The following CSTF3 variants were observed in gnomAD, a reference collection of about 807,000 sequenced individuals.
The protein encoded by CSTF3 is cleavage stimulation factor subunit 3.
Under a neutral mutation model 105.8 loss-of-function variants are expected in CSTF3, and 29 were observed. The observed-to-expected ratio is 0.27, with a 90% CI of 0.20 to 0.37. CSTF3 has a LOEUF of 0.37. Ranked by LOEUF, CSTF3 falls within the 10% of genes least tolerant of loss-of-function variation. CSTF3 has a pLI of 1.00. For synonymous variants in CSTF3, 252 were observed against 281.9 expected, an observed-to-expected ratio of 0.89 and a Z score of 1.06; for missense variants, 357 against 879.3, an observed-to-expected ratio of 0.41 and a Z score of 7.51.
At chr11:33,107,598 C>G (rs1389780215) in intron 5 of CSTF3, among the ~76,000 whole-genome samples, 2 of 151,182 alleles carry the variant, frequency 1.3e-5, no homozygotes, top group African/African-American at 4.8e-5. Flanking sequence ...AAAAGTGGTA[C>G]TAGCACAAGT....
At chr11:33,126,567 AAC>A (rs1054209015) in intron 3 of CSTF3, among the ~76,000 whole-genome samples, 5 of 152,224 alleles carry the variant, frequency 3.3e-5, no homozygotes, top group African/African-American at 1.2e-4. Flanking sequence ...AATTCAAAAG[AAC>A]AGTTTCTTTT....
At chr11:33,094,665 TAA>T (rs1447861808) in intron 15 of CSTF3, among the ~76,000 whole-genome samples, 1 of 152,172 alleles carries the variant, frequency 6.6e-6, no homozygotes, top group Non-Finnish European at 1.5e-5. Context: ...TTTTTGGAGT[TAA>T]GTCTTTTTCC....
intron 3 of CSTF3, among the ~76,000 whole-genome samples, chr11:33,131,738 G>C (rs1444694861): frequency 6.6e-6 from 1 of 151,998 alleles, no homozygotes; most frequent in African/African-American, 2.4e-5. Flanking sequence ...TGTAGTCCCA[G>C]CTACTCGGGA....
In CSTF3 at chr11:33,087,098, A is replaced by G. The variant is rs754720144; in HGVS notation, c.1685T>C (p.Val562Ala). The G allele has an allele frequency of 6.8e-6, 11 of 1,614,038 alleles. No individual in the cohort carries two copies. The East Asian group carries it at 2.0e-4, about 29-fold the overall frequency. Residue 562 changes from valine (V) to alanine (A), a missense_variant, in exon 18 of 21, where the codon GTT becomes GCT. Coordinates refer to ENST00000323959, the MANE Select transcript of CSTF3 (RefSeq NM_001326.3). ...AACAGGCACTATAGAAGGAGCTACA[A>G]CTGGGTCCGGAATTATAGCTGCTAG... Reference protein sequence around the residue: ...AKLAAIIPDPVVAPSIVPVLK... With the variant: ...AKLAAIIPDPAVAPSIVPVLK...
intron 1 of CSTF3, among the ~76,000 whole-genome samples, chr11:33,158,025 T>C (rs1475352402): frequency 6.6e-6 from 1 of 152,182 alleles, no homozygotes; most frequent in Admixed American, 6.5e-5. Context: ...TATTTAATGG[T>C]TATTTTAGTT....
intron 5 of CSTF3, among the ~76,000 whole-genome samples, chr11:33,106,311 A>G (rs1299038381): frequency 6.6e-6 from 1 of 152,032 alleles, no homozygotes; most frequent in Admixed American, 6.6e-5. Flanking sequence ...AGCTACTCGG[A>G]AGGCTGAGGT....
At chr11:33,088,289 CTTTT>C (rs951194279) in intron 17 of CSTF3, among the ~76,000 whole-genome samples, 2 of 141,004 alleles carry the variant, frequency 1.4e-5, no homozygotes, top group African/African-American at 2.6e-5. Context: ...TACTTACTCT[CTTTT>C]TTTTTTTTTT....
chr11:33,104,899 T>C (rs1436156342), intron 8 of CSTF3, among the ~76,000 whole-genome samples: 2 of 152,184 alleles, frequency 1.3e-5, no homozygotes, highest in African/African-American at 4.8e-5. Context: ...CAAATCACAA[T>C]ATACATACGA....
chr11:33,109,435 C>T (rs1399084859), intron 3 of CSTF3, among the ~76,000 whole-genome samples: 1 of 152,130 alleles, frequency 6.6e-6, no homozygotes, highest in Non-Finnish European at 1.5e-5. Flanking sequence ...CTCTTCTGGA[C>T]TTTTTTATCT....
At chr11:33,142,868 C>T (rs1271532673) in intron 1 of CSTF3, among the ~76,000 whole-genome samples, 1 of 152,048 alleles carries the variant, frequency 6.6e-6, no homozygotes, top group East Asian at 1.9e-4. Flanking sequence ...AATCTGCTGC[C>T]CTATCAGATC....
intron 3 of CSTF3, among the ~76,000 whole-genome samples, chr11:33,114,930 G>C (rs1043293430): frequency 6.6e-6 from 1 of 152,110 alleles, no homozygotes; most frequent in African/African-American, 2.4e-5. Context: ...AAAGGAAAAA[G>C]TAAGTCTCTA....
intron 9 of CSTF3, 31 bp downstream of exon 9, chr11:33,103,076 A>G (rs1855295014): frequency 1.5e-6 from 2 of 1,367,536 alleles, no homozygotes; most frequent in Non-Finnish European, 2.0e-6. Flanking sequence ...ACTCATAATA[A>G]TCATTAAAAT....
chr11:33,161,244 A>T, intron 1 of CSTF3, 55 bp downstream of exon 1: 2 of 1,603,316 alleles, frequency 1.2e-6, no homozygotes, highest in Non-Finnish European at 1.7e-6. Flanking sequence ...GAGCAGTCGG[A>T]GGAACAGACG....
At chr11:33,123,405 A>G (rs1414144927) in intron 3 of CSTF3, among the ~76,000 whole-genome samples, 1 of 152,178 alleles carries the variant, frequency 6.6e-6, no homozygotes, top group Non-Finnish European at 1.5e-5. Context: ...TTACAGGATT[A>G]TCAATGGGAT....
At chr11:33,093,897 G>A (rs1427740488) in intron 15 of CSTF3, among the ~76,000 whole-genome samples, 5 of 151,986 alleles carry the variant, frequency 3.3e-5, no homozygotes, top group East Asian at 1.9e-4. Flanking sequence ...TAGTAGAGAC[G>A]GGGTTTCACC....
Position 33,099,467 on chromosome 11 carries a change from G to A in CSTF3, c.936+141C>T. 1 of 653,684 alleles carries A rather than the reference G, an allele frequency of 1.5e-6. No individual in the cohort carries two copies. The highest frequency in any genetic ancestry group is 2.6e-6 in the Non-Finnish European group (1 of 384,726). 40.5% of individuals were successfully genotyped at this position (653,684 alleles called of 1,614,324 possible). A position where few individuals can be genotyped will look rare whatever the true frequency, so the allele number is the denominator to read the frequency against. ...TCTAAGGAGGTCTAATTATATGAGT[G>A]TCACTAAGATTCATATGAACGTAAA... On this transcript the variant is annotated intron_variant, in intron 11 of 20. Coordinates refer to ENST00000323959, the MANE Select transcript of CSTF3 (RefSeq NM_001326.3). The surrounding 1 kb of genome is among the most constrained non-coding windows in gnomAD (Gnocchi z 4.1).
At chr11:33,139,580 C>T (rs1434941164) in intron 3 of CSTF3, among the ~76,000 whole-genome samples, 1 of 151,702 alleles carries the variant, frequency 6.6e-6, no homozygotes, top group Non-Finnish European at 1.5e-5. Context: ...AAAAAATAAA[C>T]AGCAAACCAG....
At chr11:33,100,673 C>T (rs953935652) in intron 10 of CSTF3, among the ~76,000 whole-genome samples, 8 of 152,196 alleles carry the variant, frequency 5.3e-5, no homozygotes, top group African/African-American at 9.7e-5. Flanking sequence ...TGAAAACTTA[C>T]AGCAGCAGGA....
chr11:33,142,400 G>A (rs1855723936), intron 1 of CSTF3, among the ~76,000 whole-genome samples: 1 of 152,110 alleles, frequency 6.6e-6, no homozygotes. Flanking sequence ...TTTTATATAA[G>A]AGACACGAGC....
Sources: allele counts gnomAD v4.1 joint callset (sites outside exome capture counted in the v4.1 genomes callset), GRCh38; gene constraint gnomAD v4.1.1; non-coding constraint Gnocchi (gnomAD v3.1); transcripts MANE v1.5; gene names NCBI Gene and HGNC (gene_info 2026-07-23, HGNC 2026-07-21).